The following HDAC9 variants were observed in gnomAD, a reference collection of about 807,000 sequenced individuals.
HDAC9 encodes the protein histone deacetylase 9, also known as MEF-2 interacting transcription repressor (MITR) protein.
A neutral mutation model predicts 139.4 loss-of-function variants in HDAC9; 41 were observed. The observed-to-expected ratio is 0.29, with a 90% CI of 0.23 to 0.38. HDAC9 has a LOEUF of 0.38. Among genes scored for constraint, HDAC9 ranks in the 10% least tolerant of loss-of-function variants. The pLI, the probability that HDAC9 is intolerant of heterozygous loss-of-function variation, is 1.00. For synonymous variants in HDAC9, 517 were observed against 476.2 expected, an observed-to-expected ratio of 1.09 and a Z score of -1.12; for missense variants, 1,147 against 1,297.0, an observed-to-expected ratio of 0.88 and a Z score of 1.78.
chr7:18,372,654 G>A (rs772972410), intron 1 of HDAC9, among the ~76,000 whole-genome samples: 13 of 152,180 alleles, frequency 8.5e-5, no homozygotes, highest in Non-Finnish European at 1.9e-4. Flanking sequence ...AGAACATCAC[G>A]ACAGTGTCCC....
At position 19,002,323 on chromosome 7, in the gene HDAC9, T is replaced by C. The variant is rs1188913867; in HGVS notation, c.*6261T>C. ...TGTTGTTAATGTCATGACTCTCCTT[T>C]GAATAGAATAAAATAACCCCTTTTG... On this transcript the variant is annotated 3_prime_UTR_variant, in exon 26 of 26. Coordinates refer to ENST00000686413, the MANE Select transcript of HDAC9 (RefSeq NM_178425.4). 1 of 152,144 alleles carries C rather than the reference T, an allele frequency of 6.6e-6. No homozygotes were observed. Among genetic ancestry groups the C allele is most frequent in the Non-Finnish European group, 1.5e-5 (1 of 67,972 alleles). 9.4% of individuals were successfully genotyped at this position (152,144 alleles called of 1,614,324 possible). A position where few individuals can be genotyped will look rare whatever the true frequency, so the allele number is the denominator to read the frequency against.
intron 1 of HDAC9, among the ~76,000 whole-genome samples, chr7:18,301,950 A>G (rs1047767982): frequency 6.6e-6 from 1 of 152,220 alleles, no homozygotes; most frequent in African/African-American, 2.4e-5. Flanking sequence ...ATTTTTGTGC[A>G]TATGCATTTG....
At chr7:18,153,199 T>C (rs1786910588) in intron 1 of HDAC9, among the ~76,000 whole-genome samples, 1 of 152,120 alleles carries the variant, frequency 6.6e-6, no homozygotes, top group Non-Finnish European at 1.5e-5. Context: ...GTCACAGATG[T>C]GTTAGCGGTG....
intron 2 of HDAC9, among the ~76,000 whole-genome samples, chr7:18,185,922 G>A (rs7778462): frequency 0.18 from 27,272 of 151,960 alleles, 2,785 homozygotes; most frequent in South Asian, 0.34. Flanking sequence ...GGCCTATGTT[G>A]CTTTTTCTGT....
chr7:18,331,810 A>AT (rs1259264530), intron 1 of HDAC9, among the ~76,000 whole-genome samples: 3 of 151,564 alleles, frequency 2.0e-5, no homozygotes, highest in Non-Finnish European at 3.0e-5. Context: ...ATATCATAGC[A>AT]TTTTTGTCTG....
chr7:18,377,609 A>G (rs1785095431), intron 1 of HDAC9, among the ~76,000 whole-genome samples: 1 of 152,206 alleles, frequency 6.6e-6, no homozygotes, highest in East Asian at 1.9e-4. Flanking sequence ...ACCAAAGTGA[A>G]TGTAGCAAAT....
chr7:18,629,284 CAT>C, intron 6 of HDAC9, 64 bp from the exon 7 acceptor site: 1 of 1,347,080 alleles, frequency 7.4e-7, no homozygotes, highest in Non-Finnish European at 9.9e-7. Context: ...TTTTTTAACA[CAT>C]GAGCAATTGG....
chr7:18,801,638 GT>G (rs1240689591), intron 17 of HDAC9, among the ~76,000 whole-genome samples: 1 of 152,038 alleles, frequency 6.6e-6, no homozygotes, highest in Non-Finnish European at 1.5e-5. Flanking sequence ...TAGAGTAATA[GT>G]TCGGTAAAAA....
At chr7:18,463,337 C>A (rs1411623005) in intron 1 of HDAC9, among the ~76,000 whole-genome samples, 4 of 151,876 alleles carry the variant, frequency 2.6e-5, no homozygotes, top group African/African-American at 9.7e-5. Flanking sequence ...CAACAGTTTA[C>A]TGATAAAATT....
intron 1 of HDAC9, among the ~76,000 whole-genome samples, chr7:18,450,400 C>T (rs910067427): frequency 7.9e-5 from 12 of 152,184 alleles, no homozygotes; most frequent in African/African-American, 2.9e-4. Flanking sequence ...GAAGCCTTTG[C>T]TTTTGGCAAA....
chr7:18,240,713 C>T (rs1316863083), intron 2 of HDAC9, among the ~76,000 whole-genome samples: 1 of 152,156 alleles, frequency 6.6e-6, no homozygotes, highest in Non-Finnish European at 1.5e-5. Context: ...AAAAGTCATC[C>T]TCTTCCACGG....
intron 11 of HDAC9, among the ~76,000 whole-genome samples, chr7:18,664,916 C>A (rs1192645567): frequency 6.6e-6 from 1 of 152,138 alleles, no homozygotes; most frequent in African/African-American, 2.4e-5. Flanking sequence ...GTGTCTTGAA[C>A]ATAGTTGGCA....
intron 9 of HDAC9, among the ~76,000 whole-genome samples, chr7:18,646,331 AG>A (rs1787400793): frequency 6.6e-6 from 1 of 152,174 alleles, no homozygotes; most frequent in East Asian, 1.9e-4. Context: ...CAAGTACTAA[AG>A]CCAGACCAGT....
chr7:18,558,636 T>C (rs1417170749), intron 2 of HDAC9, among the ~76,000 whole-genome samples: 1 of 152,194 alleles, frequency 6.6e-6, no homozygotes, highest in Admixed American at 6.5e-5. Flanking sequence ...GAAAACCAAC[T>C]TTAATTGCTT....
intron 25 of HDAC9, among the ~76,000 whole-genome samples, chr7:18,982,636 C>T (rs1398986972): frequency 1.3e-5 from 2 of 152,096 alleles, no homozygotes; most frequent in Non-Finnish European, 2.9e-5. Context: ...ACTTCCCAGT[C>T]GGTGCCACTC....
chr7:18,570,016 C>T (rs932974786), intron 2 of HDAC9, among the ~76,000 whole-genome samples: 5 of 152,260 alleles, frequency 3.3e-5, no homozygotes, highest in South Asian at 4.1e-4. Context: ...ACCTCATTAA[C>T]ACTGTTTACA....
At chr7:18,876,045 T>C (rs1799297891) in intron 22 of HDAC9, among the ~76,000 whole-genome samples, 1 of 152,194 alleles carries the variant, frequency 6.6e-6, no homozygotes, top group Non-Finnish European at 1.5e-5. Flanking sequence ...AGACTCTTCG[T>C]CAGAACTAGT....
intron 2 of HDAC9, among the ~76,000 whole-genome samples, chr7:18,534,450 G>T (rs964341621): frequency 6.6e-6 from 1 of 152,188 alleles, no homozygotes; most frequent in Admixed American, 6.5e-5. Context: ...TGGAGGCTGA[G>T]GCAGGAGGAT....
chr7:18,611,966 C>G (rs1229617257), intron 6 of HDAC9, among the ~76,000 whole-genome samples: 1 of 152,078 alleles, frequency 6.6e-6, no homozygotes, highest in East Asian at 1.9e-4. Context: ...AAACCTGTTT[C>G]AAGTTGGGCT....
Sources: gnomAD v4.1 joint callset for allele counts (sites outside exome capture counted in the v4.1 genomes callset) on GRCh38, gnomAD v4.1.1 for gene constraint, MANE v1.5 for transcripts, NCBI Gene and HGNC (gene_info 2026-07-23, HGNC 2026-07-21) for gene names.